Variants in WFS1 observed in about 807,000 individuals in gnomAD.
WFS1 encodes wolframin ER transmembrane glycoprotein.
A neutral mutation model predicts 68.5 loss-of-function variants in WFS1; 90 were observed. The ratio of observed to expected loss-of-function variants is 1.31; its 90% confidence interval spans 1.11 to 1.56. The LOEUF is 1.56. Among genes scored for constraint, WFS1 ranks in the 40% most tolerant of loss-of-function variants. The pLI is 0.00. For missense variants in WFS1, 1,767 were observed against 1,232.6 expected (o/e 1.43, Z -6.49); for synonymous variants, 860 against 540.7 (o/e 1.59, Z -8.19).
Position 6,301,780 on chromosome 4 carries a change from C to T in WFS1, c.1985C>T (p.Ser662Phe), listed in dbSNP as rs777563532. The change falls in exon 8 of 8, where the codon TCC (serine) becomes TTC (phenylalanine). Residue 662 changes from serine (S) to phenylalanine (F), a missense_variant. By Grantham distance (155) the Ser-to-Phe change is radical. Coordinates refer to ENST00000226760, the MANE Select transcript of WFS1 (RefSeq NM_006005.3). Reference protein sequence around the residue: ...YRSEGMKVYNSTLTWQQYGAL... With the variant: ...YRSEGMKVYNFTLTWQQYGAL... Reference sequence around the variant, plus strand: ...TCAGAGGGCATGAAGGTCTACAACTCCACACTGACCTGGCAGCAGTATGGT... The same window carrying T: ...TCAGAGGGCATGAAGGTCTACAACTTCACACTGACCTGGCAGCAGTATGGT... 6.8e-6 allele frequency: 11 copies of T among 1,613,530 alleles called. No individual in the cohort carries two copies. The highest frequency in any genetic ancestry group is 9.3e-6 in the Non-Finnish European group (11 of 1,180,034).
chr4:6,295,870 TC>T (rs936436979), intron 7 of WFS1, among the ~76,000 whole-genome samples: 1 of 152,210 alleles, frequency 6.6e-6, no homozygotes, highest in Non-Finnish European at 1.5e-5. Context: ...TGCTCACAGT[TC>T]AGCTCGCATG....
chr4:6,278,838 C>T (rs772528897), intron 2 of WFS1, among the ~76,000 whole-genome samples: 4 of 152,228 alleles, frequency 2.6e-5, no homozygotes, highest in African/African-American at 9.6e-5. Context: ...GGCCTGACCC[C>T]GGGATTTGGG....
chr4:6,281,807 A>C (rs1047045758), intron 2 of WFS1, among the ~76,000 whole-genome samples: 1 of 152,094 alleles, frequency 6.6e-6, no homozygotes, highest in Non-Finnish European at 1.5e-5. Flanking sequence ...CTTTATCCTG[A>C]CCTGGCCCAT....
At chr4:6,296,078 G>A (rs75813429) in intron 7 of WFS1, among the ~76,000 whole-genome samples, 1,578 of 152,360 alleles carry the variant, frequency 0.01, 35 homozygotes, top group African/African-American at 0.036. Context: ...TGGAGGAACT[G>A]CCATCATTGT....
Position 6,289,002 on chromosome 4 carries a change from C to CT in WFS1, c.332dup (p.Gln112AlafsTer8). ...TGGCTTGCAGGTGGGGAAGCACTAC[C>CT]TGCAGTTGGCCGGCGACACGGATGA... On this transcript the variant is annotated frameshift_variant, in exon 4 of 8. Transcript: ENST00000226760. LOFTEE classifies it high-confidence loss of function. 1.2e-6 allele frequency: 2 copies of CT among 1,608,748 alleles called. No individual in the cohort carries two copies. The highest frequency in any genetic ancestry group is 1.7e-6 in the Non-Finnish European group (2 of 1,177,994).
At position 6,301,625 on chromosome 4, in the gene WFS1, G is replaced by A. The variant is rs1730923265; in HGVS notation, c.1830G>A (p.Leu610=). ...CGGTCTGTAGTGTGCCCCTGCTGTTGCGCTGGTGGACCAAGGCCAGCTTCT... is the reference window on the plus strand; with the variant it reads ...CGGTCTGTAGTGTGCCCCTGCTGTTACGCTGGTGGACCAAGGCCAGCTTCT... ...TVAVCSVPLL[L]RWWTKASFSV... Residue 610 remains leucine, a synonymous_variant, in exon 8 of 8, where the codon TTG becomes TTA. Coordinates refer to ENST00000226760, the MANE Select transcript of WFS1 (RefSeq NM_006005.3). The A allele has an allele frequency of 6.2e-7, 1 of 1,614,136 alleles. No homozygotes were observed. Among genetic ancestry groups the A allele is most frequent in the African/African-American group, 1.3e-5 (1 of 75,072 alleles).
chr4:6,281,673 A>G (rs1057021540), intron 2 of WFS1, among the ~76,000 whole-genome samples: 3 of 152,004 alleles, frequency 2.0e-5, no homozygotes, highest in Admixed American at 2.0e-4. Flanking sequence ...CCCAGGAGGG[A>G]CTGGGGCTCT....
intron 7 of WFS1, among the ~76,000 whole-genome samples, chr4:6,299,107 C>T (rs1480235187): frequency 1.3e-5 from 2 of 152,244 alleles, no homozygotes; most frequent in Non-Finnish European, 2.9e-5. Flanking sequence ...GCACTGGCAC[C>T]ATGGCCACTT....
At chr4:6,293,633 G>A (rs374223205) in intron 6 of WFS1, among the ~76,000 whole-genome samples, 61 of 152,158 alleles carry the variant, frequency 4.0e-4, no homozygotes, top group Non-Finnish European at 5.9e-4. Context: ...CACCAGGCCC[G>A]GGGCCCTTGC....
intron 1 of WFS1, among the ~76,000 whole-genome samples, chr4:6,272,880 C>T (rs745376983): frequency 2.1e-4 from 32 of 152,296 alleles, no homozygotes; most frequent in African/African-American, 6.7e-4. Flanking sequence ...CGTTCATGTA[C>T]GAGGTCACGT....
At position 6,301,214 on chromosome 4, in the gene WFS1, C is replaced by G. The variant is rs150997327; in HGVS notation, c.1419C>G (p.Ser473=). The part of the protein sequence containing the change: ...VTAGLLSLLP[S]MPLNWPYLKV... Reference sequence around the variant, plus strand: ...CCGGCCTGCTATCGCTGCTGCCCTCCATGCCCTTGAATTGGCCCTACCTGA... The same window carrying G: ...CCGGCCTGCTATCGCTGCTGCCCTCGATGCCCTTGAATTGGCCCTACCTGA... Residue 473 remains serine (S), a synonymous_variant, in exon 8 of 8, where the codon TCC becomes TCG. Coordinates refer to ENST00000226760, the MANE Select transcript of WFS1 (RefSeq NM_006005.3). The G allele has an allele frequency of 6.2e-7, 1 of 1,612,194 alleles. No individual in the cohort carries two copies. Among genetic ancestry groups the G allele is most frequent in the South Asian group, 1.1e-5 (1 of 91,084 alleles).
chr4:6,296,585 C>G (rs1356461944), intron 7 of WFS1, among the ~76,000 whole-genome samples: 2 of 152,152 alleles, frequency 1.3e-5, no homozygotes, highest in African/African-American at 4.8e-5. Context: ...GATGAGGAAG[C>G]TGGGGTGCTG....
intron 4 of WFS1, 149 bp from the exon 5 acceptor site, chr4:6,291,048 G>A (rs1437854863): frequency 4.1e-6 from 3 of 728,832 alleles, no homozygotes; most frequent in South Asian, 3.7e-5. Flanking sequence ...TCTTGAGTCA[G>A]ATGTCCATGC....
At chr4:6,271,838 G>A (rs79944860) in intron 1 of WFS1, among the ~76,000 whole-genome samples, 2 of 152,140 alleles carry the variant, frequency 1.3e-5, no homozygotes, top group African/African-American at 4.8e-5. Flanking sequence ...TCCGCCTCCC[G>A]AGCCAGGAGC....
rs545812846 is a variant in WFS1, at chr4:6,300,125, C to G, written c.862-532C>G. ...CTCTGCCTGTGTCTGCACTGAACTCCCTTTCCCTAATGCTTGCTCTGCCAC... is the reference window on the plus strand; with the variant it reads ...CTCTGCCTGTGTCTGCACTGAACTCGCTTTCCCTAATGCTTGCTCTGCCAC... On this transcript the variant is annotated intron_variant, in intron 7 of 7. Transcript: ENST00000226760. Among the ~76,000 whole-genome samples the G allele has an allele frequency of 1.2e-4, 18 of 152,204 alleles. No homozygotes were observed. In the South Asian group the frequency reaches 3.7e-3, roughly 32 times the overall value.
Position 6,295,100 on chromosome 4 carries a change from G to T in WFS1, c.772G>T (p.Val258Phe), listed in dbSNP as rs757414862. ...GATCACTAAGAAGTACGCCAAGGGC[G>T]TCATCCCCAGCAGCCTGTTCCTGCA... is the stretch of plus-strand genomic sequence containing the variant. The part of the protein sequence containing the change: ...VEITKKYAKG[V>F]IPSSLFLQDD... Residue 258 changes from valine to phenylalanine, a missense_variant, in exon 7 of 8, where the codon GTC becomes TTC. By Grantham distance (50) the Val-to-Phe change is conservative (BLOSUM62 -1). Transcript: ENST00000226760. 1 of 1,613,358 alleles carries T rather than the reference G, an allele frequency of 6.2e-7. No individual in the cohort carries two copies. Among genetic ancestry groups the T allele is most frequent in the African/African-American group, 1.3e-5 (1 of 74,922 alleles).
At position 6,286,968 on chromosome 4, in the gene WFS1, C is replaced by T. The variant is rs549962418; in HGVS notation, c.233-125C>T. The T allele has an allele frequency of 1.8e-5, 16 of 870,226 alleles. No homozygotes were observed. The East Asian group carries it at 2.7e-4, about 14-fold the overall frequency. 53.9% of individuals were successfully genotyped at this position (870,226 alleles called of 1,614,324 possible). A position where few individuals can be genotyped will look rare whatever the true frequency, so the allele number is the denominator to read the frequency against. Reference sequence around the variant, plus strand: ...TCTGTGTCTGTGTCTCTCTGTACTCCTGGCCTGGATTTGAAAGTGACAAGC... The same window carrying T: ...TCTGTGTCTGTGTCTCTCTGTACTCTTGGCCTGGATTTGAAAGTGACAAGC... On this transcript the variant is annotated intron_variant, in intron 2 of 7. Coordinates refer to ENST00000226760, the MANE Select transcript of WFS1 (RefSeq NM_006005.3).
chr4:6,301,555 G>T lies in WFS1; in HGVS notation c.1760G>T (p.Arg587Leu), dbSNP rs71539657. ...CTGGTGGGCGTGCTGCAGTTCGCCC[G>T]GTGGTTCACGTCTCTGGAGCTCACC... ...LALVGVLQFA[R>L]WFTSLELTKI... Residue 587 changes from arginine to leucine, a missense_variant, in exon 8 of 8, where the codon CGG (arginine) becomes CTG (leucine). Coordinates refer to ENST00000226760, the MANE Select transcript of WFS1 (RefSeq NM_006005.3). The T allele has an allele frequency of 1.2e-6, 2 of 1,614,074 alleles. No individual in the cohort carries two copies. Among genetic ancestry groups the T allele is most frequent in the South Asian group, 1.1e-5 (1 of 91,086 alleles).
At position 6,292,325 on chromosome 4, in the gene WFS1, G is replaced by C. The variant is rs553488051; in HGVS notation, c.712+328G>C. Among the ~76,000 whole-genome samples the C allele has an allele frequency of 8.3e-4, 125 of 150,616 alleles. 1 individual carries two copies. The highest frequency in any genetic ancestry group is 2.8e-3 in the African/African-American group (117 of 41,332). ...GGAAATACTGGGGGTGGGGACTGGC[G>C]GGGGGGTCCTGAGTGGGGAAGGATG... On this transcript the variant is annotated intron_variant, in intron 6 of 7. Transcript: ENST00000226760.
Sources: allele counts gnomAD v4.1 joint callset (sites outside exome capture counted in the v4.1 genomes callset), GRCh38; gene constraint gnomAD v4.1.1; transcripts MANE v1.5; gene names NCBI Gene and HGNC (gene_info 2026-07-23, HGNC 2026-07-21).